The following JPH4 variants were observed in gnomAD, a reference collection of about 807,000 sequenced individuals.
JPH4 encodes the protein junctophilin-4.
Under a neutral mutation model 57.6 loss-of-function variants are expected in JPH4, and 18 were observed. The observed-to-expected ratio is 0.31, with a 90% CI of 0.22 to 0.46. JPH4 has a LOEUF of 0.46. JPH4 is among the 20% of genes least tolerant of loss of function. The pLI is 1.00. For synonymous variants in JPH4, 425 were observed against 406.6 expected (o/e 1.05, Z -0.54); for missense variants, 727 against 911.1 (o/e 0.80, Z 2.60).
rs545567364 is a variant in JPH4 at position 23,574,627 on chromosome 14, G to A, written c.1151+1058C>T. On this transcript the variant is annotated intron_variant, in intron 3 of 5. Transcript: ENST00000356300. Reference sequence around the variant, plus strand: ...CCCACCTTGCTGCTCACCTCGCTGCGCAGGGAGCCTCGCTTGCTGCCCAGG... The same window carrying A: ...CCCACCTTGCTGCTCACCTCGCTGCACAGGGAGCCTCGCTTGCTGCCCAGG... Among the ~76,000 whole-genome samples, 8 of 152,324 alleles carry A rather than the reference G, an allele frequency of 5.3e-5. 1 individual carries two copies. Among genetic ancestry groups the A allele is most frequent in the African/African-American group, 1.4e-4 (6 of 41,574 alleles).
chr14:23,574,823 G>T (rs779875813), intron 3 of JPH4: 14 of 240,788 alleles, frequency 5.8e-5, no homozygotes, highest in Non-Finnish European at 7.9e-5. Flanking sequence ...TGTTTGTTTG[G>T]TTTTTTGTTT....
At position 23,572,000 on chromosome 14, in the gene JPH4, G is replaced by A; in HGVS notation, c.1152-80C>T. ...CCTGCTCAGATGCTCCAGCCCCCTA[G>A]CCCCTGTCCCCTCTACATCACATCC... On this transcript the variant is annotated intron_variant, in intron 3 of 5. Coordinates refer to ENST00000356300, the MANE Select transcript of JPH4 (RefSeq NM_001146028.2). The surrounding 1 kb of genome is among the most constrained non-coding windows in gnomAD (Gnocchi z 4.6). 7.9e-7 allele frequency: 1 copy of A among 1,261,322 alleles called. No homozygotes were observed. Among genetic ancestry groups the A allele is most frequent in the Non-Finnish European group, 1.1e-6 (1 of 880,344 alleles). The allele number at this position is 1,261,322 out of a possible 1,614,324, so 78.1% of individuals were successfully genotyped here. A position where few individuals can be genotyped will look rare whatever the true frequency, so the allele number is the denominator to read the frequency against.
Position 23,577,573 on chromosome 14 carries a change from G to T in JPH4, c.-120C>A. The T allele has an allele frequency of 1.2e-6, 1 of 845,804 alleles. No homozygotes were observed. Among genetic ancestry groups the T allele is most frequent in the Non-Finnish European group, 1.6e-6 (1 of 606,084 alleles). 52.4% of individuals were successfully genotyped at this position (845,804 alleles called of 1,614,324 possible). A position where few individuals can be genotyped will look rare whatever the true frequency, so the allele number is the denominator to read the frequency against. On this transcript the variant is annotated 5_prime_UTR_variant, in exon 2 of 6. Coordinates refer to ENST00000356300, the MANE Select transcript of JPH4 (RefSeq NM_001146028.2). This position sits in a 1 kb window ranked among gnomAD's most constrained non-coding sequence, Gnocchi z 8.4. The stretch of plus-strand genomic sequence containing the variant: ...GGCGGGGGCAGTTAGACCGGGGCCG[G>T]GCGGGGGGGCCCCAGCGAGGGCAGG...
chr14:23,573,994 T>A (rs1889213113), intron 3 of JPH4, among the ~76,000 whole-genome samples: 1 of 151,798 alleles, frequency 6.6e-6, no homozygotes, highest in African/African-American at 2.4e-5. Flanking sequence ...TCACCCATTA[T>A]ACAAACTCAT....
At chr14:23,572,473 C>A (rs1347372512) in intron 3 of JPH4, among the ~76,000 whole-genome samples, 1 of 152,004 alleles carries the variant, frequency 6.6e-6, no homozygotes, top group Non-Finnish European at 1.5e-5. Flanking sequence ...CTGCCCCGCC[C>A]CCTCGTTCAG....
rs1889153438 is a variant in JPH4, at chr14:23,571,745, A to G, written c.1270+57T>C. 6 of 1,477,908 alleles carry G rather than the reference A, an allele frequency of 4.1e-6. No individual in the cohort carries two copies. In the Admixed American group the frequency reaches 6.8e-5, roughly 17 times the overall value. 91.5% of individuals were successfully genotyped at this position (1,477,908 alleles called of 1,614,324 possible). On this transcript the variant is annotated intron_variant, in intron 4 of 5. Coordinates refer to ENST00000356300, the MANE Select transcript of JPH4 (RefSeq NM_001146028.2). The surrounding 1 kb of genome is among the most constrained non-coding windows in gnomAD (Gnocchi z 4.6). ...CTTCTCATCTGTTTCCCCACACCTG[A>G]GCCTCTCTAGCTCCCTAGGGGCCTC... is the stretch of plus-strand genomic sequence containing the variant.
Position 23,576,495 on chromosome 14 carries a change from T to C in JPH4, c.380-39A>G. On this transcript the variant is annotated intron_variant, in intron 2 of 5. Transcript: ENST00000356300. The surrounding 1 kb of genome is among the most constrained non-coding windows in gnomAD (Gnocchi z 8.0). Reference sequence around the variant, plus strand: ...AGGGGTGGGAGAAAGAGTCAGGACGTGCCGCTGGGCTCCTTGCGCCCCAAG... The same window carrying C: ...AGGGGTGGGAGAAAGAGTCAGGACGCGCCGCTGGGCTCCTTGCGCCCCAAG... The C allele has an allele frequency of 7.3e-7, 1 of 1,362,118 alleles. No homozygotes were observed. Among genetic ancestry groups the C allele is most frequent in the Non-Finnish European group, 9.4e-7 (1 of 1,062,080 alleles). The allele number at this position is 1,362,118 out of a possible 1,614,324, so 84.4% of individuals were successfully genotyped here. A position where few individuals can be genotyped will look rare whatever the true frequency, so the allele number is the denominator to read the frequency against.
chr14:23,575,416 T>C lies in JPH4; in HGVS notation c.1151+269A>G, dbSNP rs888513025. 2.3e-5 allele frequency: 13 copies of C among 555,754 alleles called. No homozygotes were observed. The highest frequency in any genetic ancestry group is 4.2e-5 in the Non-Finnish European group (13 of 310,330). The allele number at this position is 555,754 out of a possible 1,614,324, so 34.4% of individuals were successfully genotyped here. On this transcript the variant is annotated intron_variant, in intron 3 of 5. Coordinates refer to ENST00000356300, the MANE Select transcript of JPH4 (RefSeq NM_001146028.2). This position sits in a 1 kb window ranked among gnomAD's most constrained non-coding sequence, Gnocchi z 6.9. ...CACACAACAATGGATTCCATAGACA[T>C]GCATCTCCACACAAAAGACACCGAG...
In JPH4 at chr14:23,572,034, T is replaced by C; in HGVS notation, c.1152-114A>G. 7 of 879,338 alleles carry C rather than the reference T, an allele frequency of 8.0e-6. No homozygotes were observed. In the South Asian group the frequency reaches 9.4e-5, roughly 12 times the overall value. The allele number at this position is 879,338 out of a possible 1,614,324, so 54.5% of individuals were successfully genotyped here. A position where few individuals can be genotyped will look rare whatever the true frequency, so the allele number is the denominator to read the frequency against. Reference sequence around the variant, plus strand: ...CCCTCTACATCACATCCTCCTCTCCTCTGGAGTCGTCACCCTTCGCCACAC... The same window carrying C: ...CCCTCTACATCACATCCTCCTCTCCCCTGGAGTCGTCACCCTTCGCCACAC... On this transcript the variant is annotated intron_variant, in intron 3 of 5. Coordinates refer to ENST00000356300, the MANE Select transcript of JPH4 (RefSeq NM_001146028.2).
In JPH4 at chr14:23,576,030, G is replaced by T; in HGVS notation, c.806C>A (p.Ala269Glu). 7.5e-7 allele frequency: 1 copy of T among 1,334,986 alleles called. No homozygotes were observed. The highest frequency in any genetic ancestry group is 9.5e-7 in the Non-Finnish European group (1 of 1,049,040). 82.7% of individuals were successfully genotyped at this position (1,334,986 alleles called of 1,614,324 possible). Residue 269 changes from alanine to glutamate, a missense_variant, in exon 3 of 6, where the codon GCG becomes GAG. Coordinates refer to ENST00000356300, the MANE Select transcript of JPH4 (RefSeq NM_001146028.2). The surrounding 1 kb of genome is among the most constrained non-coding windows in gnomAD (Gnocchi z 8.0). The part of the protein sequence containing the change: ...GSEASGPPAA[A>E]PPALIEGSAT... Reference sequence around the variant, plus strand: ...CGAGCCCTCGATGAGGGCGGGCGGCGCTGCGGCCGGGGGCCCGCTGGCCTC... The same window carrying T: ...CGAGCCCTCGATGAGGGCGGGCGGCTCTGCGGCCGGGGGCCCGCTGGCCTC...
At chr14:23,573,937 A>AACACACAC (rs35127620) in intron 3 of JPH4, among the ~76,000 whole-genome samples, 3,183 of 143,154 alleles carry the variant, frequency 0.022, 116 homozygotes, top group African/African-American at 0.077. Flanking sequence ...CTCTCTCTGT[A>AACACACAC]ACACACACAC....
intron 3 of JPH4, chr14:23,572,973 T>G (rs779838757): frequency 7.1e-6 from 5 of 702,326 alleles, no homozygotes; most frequent in African/African-American, 3.5e-5. Context: ...GTAGATGCCT[T>G]GTCATCCTTA....
chr14:23,571,591 C>T lies in JPH4; in HGVS notation c.1271-131G>A, dbSNP rs777488704. The T allele has an allele frequency of 1.1e-5, 13 of 1,184,642 alleles. No individual in the cohort carries two copies. Among genetic ancestry groups the T allele is most frequent in the African/African-American group, 1.5e-5 (1 of 65,546 alleles). 73.4% of individuals were successfully genotyped at this position (1,184,642 alleles called of 1,614,324 possible). Reference sequence around the variant, plus strand: ...GCTCATAGCCTCTCACCGCCAGACCCCAAACCCCCCATTATCCTACTGCAT... The same window carrying T: ...GCTCATAGCCTCTCACCGCCAGACCTCAAACCCCCCATTATCCTACTGCAT... On this transcript the variant is annotated intron_variant, in intron 4 of 5. Coordinates refer to ENST00000356300, the MANE Select transcript of JPH4 (RefSeq NM_001146028.2). The surrounding 1 kb of genome is among the most constrained non-coding windows in gnomAD (Gnocchi z 4.6).
At position 23,570,841 on chromosome 14, in the gene JPH4, GC is replaced by G. The variant is rs200660780; in HGVS notation, c.1803+86del. 6.3e-4 allele frequency: 829 copies of G among 1,306,590 alleles called. 11 individuals carry two copies. The East Asian group carries it at 0.016, about 26-fold the overall frequency. The allele number at this position is 1,306,590 out of a possible 1,614,324, so 80.9% of individuals were successfully genotyped here. On this transcript the variant is annotated intron_variant, in intron 5 of 5. Coordinates refer to ENST00000356300, the MANE Select transcript of JPH4 (RefSeq NM_001146028.2). ...CAGAGGAAGCCGAGTGAGATAAAAAGCCCCCCCGGTGATCAGACAGTTCTGG... is the reference window on the plus strand; with the variant it reads ...CAGAGGAAGCCGAGTGAGATAAAAAGCCCCCCGGTGATCAGACAGTTCTGG...
Position 23,577,577 on chromosome 14 carries a change from G to C in JPH4, c.-124C>G. 1.3e-6 allele frequency: 1 copy of C among 799,678 alleles called. No individual in the cohort carries two copies. Among genetic ancestry groups the C allele is most frequent in the Non-Finnish European group, 1.8e-6 (1 of 564,642 alleles). 49.5% of individuals were successfully genotyped at this position (799,678 alleles called of 1,614,324 possible). ...GGGGCAGTTAGACCGGGGCCGGGCG[G>C]GGGGGCCCCAGCGAGGGCAGGCAGG... is the stretch of plus-strand genomic sequence containing the variant. On this transcript the variant is annotated 5_prime_UTR_variant, in exon 2 of 6. Coordinates refer to ENST00000356300, the MANE Select transcript of JPH4 (RefSeq NM_001146028.2). The surrounding 1 kb of genome is among the most constrained non-coding windows in gnomAD (Gnocchi z 8.4).
At position 23,575,862 on chromosome 14, in the gene JPH4, C is replaced by T; in HGVS notation, c.974G>A (p.Gly325Asp). The T allele has an allele frequency of 2.5e-6, 4 of 1,580,176 alleles. No homozygotes were observed. The highest frequency in any genetic ancestry group is 3.4e-6 in the Non-Finnish European group (4 of 1,166,022). ...HGYGRTTRPD[G>D]SREEGKYKRN... ...CTTGTACTTGCCCTCCTCGCGGGAG[C>T]CGTCGGGGCGGGTGGTGCGCCCGTA... Residue 325 changes from glycine to aspartate, a missense_variant, in exon 3 of 6, where the codon GGC becomes GAC. Around this residue, in one of 7 missense-constraint regions of JPH4, gnomAD observed 112 missense variants for 199.4 expected, o/e 0.56. Transcript: ENST00000356300. The surrounding 1 kb of genome is among the most constrained non-coding windows in gnomAD (Gnocchi z 6.9).
In JPH4 at chr14:23,571,039, A is replaced by T; in HGVS notation, c.1692T>A (p.Pro564=). 1 of 1,603,970 alleles carries T rather than the reference A, an allele frequency of 6.2e-7. No individual in the cohort carries two copies. The highest frequency in any genetic ancestry group is 8.5e-7 in the Non-Finnish European group (1 of 1,174,740). ...PPLRAPAGTE[P]EPIAMLVLRG... ...TCAGGACCAGCATGGCGATGGGCTC[A>T]GGCTCCGTGCCTGCTGGGGCCCTCA... The change falls in exon 5 of 6, where the codon CCT becomes CCA. Residue 564 remains proline, a synonymous_variant. Coordinates refer to ENST00000356300, the MANE Select transcript of JPH4 (RefSeq NM_001146028.2). The surrounding 1 kb of genome is among the most constrained non-coding windows in gnomAD (Gnocchi z 4.6).
Position 23,575,557 on chromosome 14 carries a change from G to T in JPH4, c.1151+128C>A. On this transcript the variant is annotated intron_variant, in intron 3 of 5. Coordinates refer to ENST00000356300, the MANE Select transcript of JPH4 (RefSeq NM_001146028.2). The surrounding 1 kb of genome is among the most constrained non-coding windows in gnomAD (Gnocchi z 6.9). ...AGAATGCCCAGGGGTCCAACTGCCT[G>T]GCCTTAGGCTTGCAATAGCAGGCCC... 1 of 1,246,332 alleles carries T rather than the reference G, an allele frequency of 8.0e-7. No homozygotes were observed. The highest frequency in any genetic ancestry group is 1.1e-6 in the Non-Finnish European group (1 of 903,406). The allele number at this position is 1,246,332 out of a possible 1,614,324, so 77.2% of individuals were successfully genotyped here. A position where few individuals can be genotyped will look rare whatever the true frequency, so the allele number is the denominator to read the frequency against.
In JPH4 at chr14:23,571,469, G is replaced by A; in HGVS notation, c.1271-9C>T. ...CTGCCTGGGTCTGCGGCCTGGGTAGGGATAGCTGAGAATCAGAGGGGCCTA... is the reference window on the plus strand; with the variant it reads ...CTGCCTGGGTCTGCGGCCTGGGTAGAGATAGCTGAGAATCAGAGGGGCCTA... On this transcript the variant is annotated splice_polypyrimidine_tract_variant and intron_variant, in intron 4 of 5. Transcript: ENST00000356300. The surrounding 1 kb of genome is among the most constrained non-coding windows in gnomAD (Gnocchi z 4.6). 6.3e-7 allele frequency: 1 copy of A among 1,596,154 alleles called. No individual in the cohort carries two copies. The highest frequency in any genetic ancestry group is 8.5e-7 in the Non-Finnish European group (1 of 1,178,526).
Sources: gnomAD v4.1 joint callset for allele counts (sites outside exome capture counted in the v4.1 genomes callset) on GRCh38, gnomAD v4.1.1 for gene constraint, gnomAD v4.1.1 regional missense constraint, Gnocchi (gnomAD v3.1) non-coding constraint, MANE v1.5 for transcripts, NCBI Gene and HGNC (gene_info 2026-07-23, HGNC 2026-07-21) for gene names.